LRRC69: variants seen among roughly 807,000 people sequenced by gnomAD.
LRRC69 encodes leucine rich repeat containing 69, also known as leucine-rich repeat-containing protein 69.
Under a neutral mutation model 37.8 loss-of-function variants are expected in LRRC69, and 42 were observed. The ratio of observed to expected loss-of-function variants is 1.11; its 90% confidence interval spans 0.87 to 1.44. The LOEUF is 1.44. LRRC69 is among the 40% of genes most tolerant of loss of function. LRRC69 has a pLI of 0.00. For synonymous variants in LRRC69, 141 were observed against 143.1 expected (o/e 0.99, Z 0.11); for missense variants, 357 against 401.9 (o/e 0.89, Z 0.96).
At chr8:91,175,206 G>T (rs1243168585) in intron 5 of LRRC69, among the ~76,000 whole-genome samples, 1 of 152,030 alleles carries the variant, frequency 6.6e-6, no homozygotes, top group African/African-American at 2.4e-5. Flanking sequence ...AGGAGATACG[G>T]TAAGGCTGGG....
chr8:91,218,210 TCTCA>T (rs1172906643), intron 7 of LRRC69, among the ~76,000 whole-genome samples: 2 of 152,170 alleles, frequency 1.3e-5, no homozygotes, highest in African/African-American at 4.8e-5. Flanking sequence ...TTTTGGATTC[TCTCA>T]CTGAGAGCTG....
intron 5 of LRRC69, among the ~76,000 whole-genome samples, chr8:91,139,627 C>T (rs1462755730): frequency 6.6e-6 from 1 of 151,568 alleles, no homozygotes; most frequent in Non-Finnish European, 1.5e-5. Flanking sequence ...CACTGCACTC[C>T]AGCCTGGGCG....
chr8:91,216,503 G>A (rs146745668), intron 7 of LRRC69, among the ~76,000 whole-genome samples: 9 of 152,006 alleles, frequency 5.9e-5, no homozygotes, highest in Admixed American at 5.9e-4. Flanking sequence ...TCTATTAATT[G>A]TTCAGGTTTC....
Position 91,140,197 on chromosome 8 carries a change from A to G in LRRC69, c.651+4458A>G, listed in dbSNP as rs534465324. Among the ~76,000 whole-genome samples, 120 of 151,836 alleles carry G rather than the reference A, an allele frequency of 7.9e-4. 2 individuals are homozygous for G. The highest frequency in any genetic ancestry group is 1.1e-3 in the Non-Finnish European group (73 of 68,000). ...GAGAGAAAGCAAAACTCTGGGGGCT[A>G]TTTTGATCTGATCTATCTATCATTG... On this transcript the variant is annotated intron_variant, in intron 5 of 7. Coordinates refer to ENST00000448384, the Ensembl canonical transcript of LRRC69.
At chr8:91,159,318 A>G (rs1808893492) in intron 5 of LRRC69, among the ~76,000 whole-genome samples, 1 of 151,306 alleles carries the variant, frequency 6.6e-6, no homozygotes, top group African/African-American at 2.4e-5. Context: ...TTGAGATACA[A>G]TTCTATAGAT....
intron 1 of LRRC69, among the ~76,000 whole-genome samples, chr8:91,115,216 G>A (rs1563593752): frequency 1.3e-5 from 2 of 152,054 alleles, no homozygotes; most frequent in African/African-American, 4.8e-5. Flanking sequence ...TACGCACACA[G>A]AGAAGAAGTT....
intron 7 of LRRC69, among the ~76,000 whole-genome samples, chr8:91,215,989 G>A (rs1475735316): frequency 6.6e-6 from 1 of 152,152 alleles, no homozygotes; most frequent in Non-Finnish European, 1.5e-5. Context: ...CATTACTAGA[G>A]ATGATGAATC....
intron 5 of LRRC69, among the ~76,000 whole-genome samples, chr8:91,164,777 G>C (rs1411814218): frequency 6.6e-6 from 1 of 151,586 alleles, no homozygotes; most frequent in East Asian, 1.9e-4. Flanking sequence ...CAATTTCAGA[G>C]CTGAAACTCA....
intron 7 of LRRC69, among the ~76,000 whole-genome samples, chr8:91,207,900 T>G (rs1454468063): frequency 6.6e-6 from 1 of 152,170 alleles, no homozygotes; most frequent in Admixed American, 6.5e-5. Flanking sequence ...GGAATTGATT[T>G]ATTAACAATT....
intron 5 of LRRC69, among the ~76,000 whole-genome samples, chr8:91,170,282 G>A (rs1433607731): frequency 3.8e-5 from 3 of 79,558 alleles, no homozygotes; most frequent in Admixed American, 2.9e-4. Flanking sequence ...CAGTGATGAT[G>A]AGCATTTTTT....
chr8:91,171,086 G>A (rs557935085), intron 5 of LRRC69, among the ~76,000 whole-genome samples: 9 of 151,788 alleles, frequency 5.9e-5, no homozygotes, highest in Non-Finnish European at 1.0e-4. Context: ...CAAAAAGTGG[G>A]TGTATATAAT....
intron 5 of LRRC69, among the ~76,000 whole-genome samples, chr8:91,145,459 G>C (rs1002095602): frequency 6.6e-6 from 1 of 151,836 alleles, no homozygotes; most frequent in Non-Finnish European, 1.5e-5. Flanking sequence ...TATTTTCTCT[G>C]TTTAATGTTA....
chr8:91,149,503 T>G (rs1808689033), intron 5 of LRRC69, among the ~76,000 whole-genome samples: 1 of 152,044 alleles, frequency 6.6e-6, no homozygotes, highest in Non-Finnish European at 1.5e-5. Flanking sequence ...TAGTATAGTT[T>G]GAAGTCAGGT....
intron 3 of LRRC69, among the ~76,000 whole-genome samples, chr8:91,131,235 C>CTTTTTTTTTTTTTT: frequency 7.1e-6 from 1 of 140,228 alleles, no homozygotes; most frequent in Non-Finnish European, 1.5e-5. Context: ...ATTGATTTGT[C>CTTTTTTTTTTTTTT]TTTTTTTTTT....
chr8:91,194,826 T>C (rs1159345220), intron 6 of LRRC69, among the ~76,000 whole-genome samples: 5 of 152,146 alleles, frequency 3.3e-5, no homozygotes, highest in Non-Finnish European at 7.4e-5. Flanking sequence ...TGAAGGGTTT[T>C]TTGTGTCTGT....
At chr8:91,145,939 A>G (rs902259401) in intron 5 of LRRC69, among the ~76,000 whole-genome samples, 2 of 151,874 alleles carry the variant, frequency 1.3e-5, no homozygotes, top group Non-Finnish European at 2.9e-5. Flanking sequence ...CCTTGATGCA[A>G]TGGTGATTTT....
intron 1 of LRRC69, among the ~76,000 whole-genome samples, chr8:91,111,380 A>G (rs1813407786): frequency 6.6e-6 from 1 of 151,978 alleles, no homozygotes; most frequent in South Asian, 2.1e-4. Flanking sequence ...TAAAAATACA[A>G]AAAATTAGTT....
intron 5 of LRRC69, among the ~76,000 whole-genome samples, chr8:91,141,325 T>C (rs980963387): frequency 1.3e-5 from 2 of 152,102 alleles, no homozygotes; most frequent in Non-Finnish European, 2.9e-5. Flanking sequence ...CCTTGGATTG[T>C]GGCCCACTCT....
intron 5 of LRRC69, among the ~76,000 whole-genome samples, chr8:91,152,088 G>C (rs188573056): frequency 3.5e-4 from 53 of 151,734 alleles, no homozygotes; most frequent in Middle Eastern, 3.4e-3. Flanking sequence ...TCTGTAGGTT[G>C]CCTGTTCGCT....
Sources: allele counts gnomAD v4.1 joint callset (sites outside exome capture counted in the v4.1 genomes callset), GRCh38; gene constraint gnomAD v4.1.1; transcripts MANE v1.5; gene names NCBI Gene and HGNC (gene_info 2026-07-23, HGNC 2026-07-21).